Variants in CRYGN observed in about 807,000 individuals in gnomAD.
CRYGN encodes crystallin gamma N.
A neutral mutation model predicts 19.2 loss-of-function variants in CRYGN; 17 were observed. That is an observed-to-expected ratio of 0.89 (90% CI 0.61 to 1.33). The LOEUF is 1.33. CRYGN is among the 40% of genes most tolerant of loss of function. The pLI is 0.00. For synonymous variants in CRYGN, 84 were observed against 85.8 expected (o/e 0.98, Z 0.12); for missense variants, 239 against 239.6 (o/e 1.00, Z 0.02).
Position 151,433,787 on chromosome 7 carries a change from G to A in CRYGN, c.416+2393C>T. Reference sequence around the variant, plus strand: ...GACACCCCCAAAAGGAGGGGGCGGGGAACCACCCATCCTGCTGTCCCCTGT... The same window carrying A: ...GACACCCCCAAAAGGAGGGGGCGGGAAACCACCCATCCTGCTGTCCCCTGT... On this transcript the variant is annotated intron_variant, in intron 3 of 3. Coordinates refer to ENST00000337323, the MANE Select transcript of CRYGN (RefSeq NM_144727.3). The surrounding 1 kb of genome is among the most constrained non-coding windows in gnomAD (Gnocchi z 5.1). The A allele has an allele frequency of 6.5e-6, 1 of 154,560 alleles. No homozygotes were observed. The highest frequency in any genetic ancestry group is 1.5e-5 in the Non-Finnish European group (1 of 68,678). The allele number at this position is 154,560 out of a possible 1,614,324, so 9.6% of individuals were successfully genotyped here.
At chr7:151,437,419 C>G (rs1801642945) in intron 2 of CRYGN, among the ~76,000 whole-genome samples, 1 of 152,232 alleles carries the variant, frequency 6.6e-6, no homozygotes, top group Admixed American at 6.5e-5. Context: ...ACCCTAGGAG[C>G]AGCTGGACCG....
At position 151,440,115 on chromosome 7, in the gene CRYGN, C is replaced by CG; in HGVS notation, c.-199dup. The CG allele has an allele frequency of 7.4e-7, 1 of 1,359,740 alleles. No homozygotes were observed. The highest frequency in any genetic ancestry group is 3.0e-5 in the East Asian group (1 of 33,124). 84.2% of individuals were successfully genotyped at this position (1,359,740 alleles called of 1,614,324 possible). On this transcript the variant is annotated 5_prime_UTR_variant, in exon 1 of 4. Coordinates refer to ENST00000337323, the MANE Select transcript of CRYGN (RefSeq NM_144727.3). ...CACCGCGAGTGCAGCCCGCCCTGCC[C>CG]GGGGTCTCCCTGTGCTCTCCGCGTT...
rs916159572 is a variant in CRYGN at position 151,435,581 on chromosome 7, G to A, written c.416+599C>T. 2.0e-5 allele frequency among the ~76,000 whole-genome samples: 3 copies of A among 152,128 alleles called. No homozygotes were observed. The highest frequency in any genetic ancestry group is 7.2e-5 in the African/African-American group (3 of 41,414). ...GGGGCAGACAAACCCATCTGGGCCT[G>A]GGCAAAATTCCCCCAGCTACTTTCT... On this transcript the variant is annotated intron_variant, in intron 3 of 3. Coordinates refer to ENST00000337323, the MANE Select transcript of CRYGN (RefSeq NM_144727.3). This position sits in a 1 kb window ranked among gnomAD's most constrained non-coding sequence, Gnocchi z 4.2.
intron 2 of CRYGN, 186 bp downstream of exon 2, chr7:151,437,810 C>T: frequency 6.8e-7 from 1 of 1,471,488 alleles, no homozygotes; most frequent in Non-Finnish European, 9.0e-7. Context: ...CCACTCAGTT[C>T]ATAGCAACTT....
chr7:151,430,006 A>C lies in CRYGN; in HGVS notation c.*42T>G, dbSNP rs1178633071. 1.2e-6 allele frequency: 1 copy of C among 815,710 alleles called. No individual in the cohort carries two copies. The allele number at this position is 815,710 out of a possible 1,614,324, so 50.5% of individuals were successfully genotyped here. On this transcript the variant is annotated 3_prime_UTR_variant, in exon 4 of 4. Transcript: ENST00000337323. This position sits in a 1 kb window ranked among gnomAD's most constrained non-coding sequence, Gnocchi z 5.2. ...TTTTAAGTAAACACTCTCCCGGCTC[A>C]GAAACGGTGCAGGTGCATTTACATG...
chr7:151,436,408 G>C lies in CRYGN; in HGVS notation c.271-83C>G. 7.4e-7 allele frequency: 1 copy of C among 1,349,502 alleles called. No individual in the cohort carries two copies. The highest frequency in any genetic ancestry group is 9.9e-7 in the Non-Finnish European group (1 of 1,013,238). 83.6% of individuals were successfully genotyped at this position (1,349,502 alleles called of 1,614,324 possible). A position where few individuals can be genotyped will look rare whatever the true frequency, so the allele number is the denominator to read the frequency against. ...CAGAAACAGAAGCCCCATGCAGGAAGGAATTAGGAGGTACCCAAGGCACTG... is the reference window on the plus strand; with the variant it reads ...CAGAAACAGAAGCCCCATGCAGGAACGAATTAGGAGGTACCCAAGGCACTG... On this transcript the variant is annotated intron_variant, in intron 2 of 3. Coordinates refer to ENST00000337323, the MANE Select transcript of CRYGN (RefSeq NM_144727.3). The surrounding 1 kb of genome is among the most constrained non-coding windows in gnomAD (Gnocchi z 5.1).
intron 1 of CRYGN, among the ~76,000 whole-genome samples, chr7:151,439,613 C>A (rs1368480438): frequency 6.6e-6 from 1 of 152,130 alleles, no homozygotes; most frequent in African/African-American, 2.4e-5. Flanking sequence ...CCAAGCCTCC[C>A]CCACCCCAAG....
At position 151,435,343 on chromosome 7, in the gene CRYGN, C is replaced by A. The variant is rs566509115; in HGVS notation, c.416+837G>T. 4.5e-4 allele frequency among the ~76,000 whole-genome samples: 68 copies of A among 152,322 alleles called. No homozygotes were observed. The highest frequency in any genetic ancestry group is 1.5e-3 in the African/African-American group (64 of 41,574). On this transcript the variant is annotated intron_variant, in intron 3 of 3. Coordinates refer to ENST00000337323, the MANE Select transcript of CRYGN (RefSeq NM_144727.3). The surrounding 1 kb of genome is among the most constrained non-coding windows in gnomAD (Gnocchi z 4.2). ...TGCAGTCTCAGCTGTGCCACTCCCACGGGGCGGCCGGGCAGTCAGCCTTCT... is the reference window on the plus strand; with the variant it reads ...TGCAGTCTCAGCTGTGCCACTCCCAAGGGGCGGCCGGGCAGTCAGCCTTCT...
chr7:151,430,891 T>A lies in CRYGN; in HGVS notation c.417-711A>T, dbSNP rs1206170877. Among the ~76,000 whole-genome samples the A allele has an allele frequency of 6.6e-6, 1 of 152,134 alleles. No individual in the cohort carries two copies. Among genetic ancestry groups the A allele is most frequent in the Non-Finnish European group, 1.5e-5 (1 of 68,018 alleles). Reference sequence around the variant, plus strand: ...ATTAGAGGCTGGACCAGGAGTCAGATCCACAGCCAGAACTCTGTGGGCACA... The same window carrying A: ...ATTAGAGGCTGGACCAGGAGTCAGAACCACAGCCAGAACTCTGTGGGCACA... On this transcript the variant is annotated intron_variant, in intron 3 of 3. Coordinates refer to ENST00000337323, the MANE Select transcript of CRYGN (RefSeq NM_144727.3). The surrounding 1 kb of genome is among the most constrained non-coding windows in gnomAD (Gnocchi z 5.2).
At chr7:151,440,155 C>T (rs1005887604), upstream of CRYGN, 26 of 1,288,838 alleles carry the variant, frequency 2.0e-5, no homozygotes, top group Admixed American at 7.6e-5. Context: ...TCCCGAGCCT[C>T]CTTCCTCCCT....
At position 151,433,473 on chromosome 7, in the gene CRYGN, CA is replaced by C. The variant is rs1401343957; in HGVS notation, c.416+2706del. ...GGCTTGTCATGCCTGGTGCCTGGCACAGTCTGCTGCCTCAAGGGTTGGGGCC... is the reference window on the plus strand; with the variant it reads ...GGCTTGTCATGCCTGGTGCCTGGCACGTCTGCTGCCTCAAGGGTTGGGGCC... On this transcript the variant is annotated intron_variant, in intron 3 of 3. Transcript: ENST00000337323. The surrounding 1 kb of genome is among the most constrained non-coding windows in gnomAD (Gnocchi z 5.1). 6.5e-6 allele frequency: 1 copy of C among 154,984 alleles called. No individual in the cohort carries two copies. Among genetic ancestry groups the C allele is most frequent in the African/African-American group, 2.4e-5 (1 of 41,508 alleles). 9.6% of individuals were successfully genotyped at this position (154,984 alleles called of 1,614,324 possible).
chr7:151,437,908 C>A, intron 2 of CRYGN, 88 bp downstream of exon 2: 2 of 1,595,880 alleles, frequency 1.3e-6, no homozygotes, highest in South Asian at 2.2e-5. Context: ...GAGGACCACG[C>A]TCCCCGATTC....
chr7:151,429,892 G>A lies in CRYGN; in HGVS notation c.*156C>T, dbSNP rs988927166. On this transcript the variant is annotated 3_prime_UTR_variant, in exon 4 of 4. Coordinates refer to ENST00000337323, the MANE Select transcript of CRYGN (RefSeq NM_144727.3). ...AGAAGAGACAGGGCCCTTGCCATGGGTGGGGAGGGCCTCCCGCTGGCAGAT... is the reference window on the plus strand; with the variant it reads ...AGAAGAGACAGGGCCCTTGCCATGGATGGGGAGGGCCTCCCGCTGGCAGAT... The A allele has an allele frequency of 3.0e-6, 2 of 675,436 alleles. No homozygotes were observed. The highest frequency in any genetic ancestry group is 3.5e-5 in the African/African-American group (2 of 56,492). 41.8% of individuals were successfully genotyped at this position (675,436 alleles called of 1,614,324 possible).
chr7:151,432,167 C>T (rs1271943414), intron 3 of CRYGN: 5 of 1,231,012 alleles, frequency 4.1e-6, no homozygotes, highest in Non-Finnish European at 5.1e-6. Context: ...AAGTTGACCA[C>T]CTTGTGGAGC....
At position 151,433,860 on chromosome 7, in the gene CRYGN, C is replaced by T. The variant is rs980973477; in HGVS notation, c.416+2320G>A. On this transcript the variant is annotated intron_variant, in intron 3 of 3. Transcript: ENST00000337323. The surrounding 1 kb of genome is among the most constrained non-coding windows in gnomAD (Gnocchi z 5.1). ...AGGCAGACAGAGGAAAGGGCAGGGG[C>T]CTGTCCTGCCCACATCAGCACCGTG... Among the ~76,000 whole-genome samples the T allele has an allele frequency of 7.9e-5, 12 of 152,198 alleles. No individual in the cohort carries two copies. Among genetic ancestry groups the T allele is most frequent in the Admixed American group, 6.5e-4 (10 of 15,286 alleles).
At position 151,434,306 on chromosome 7, in the gene CRYGN, G is replaced by A. The variant is rs577521255; in HGVS notation, c.416+1874C>T. Among the ~76,000 whole-genome samples, 42 of 152,282 alleles carry A rather than the reference G, an allele frequency of 2.8e-4. No homozygotes were observed. In the East Asian group the frequency reaches 6.0e-3, roughly 22 times the overall value. On this transcript the variant is annotated intron_variant, in intron 3 of 3. Transcript: ENST00000337323. ...CTTCGTTCTCAACAAGCCCCTGAGC[G>A]TTGGGGGTGGGCCGGGGGGATTGTG... is the stretch of plus-strand genomic sequence containing the variant.
rs538273904 is a variant in CRYGN at position 151,430,292 on chromosome 7, C to A, written c.417-112G>T. On this transcript the variant is annotated intron_variant, in intron 3 of 3. Transcript: ENST00000337323. The surrounding 1 kb of genome is among the most constrained non-coding windows in gnomAD (Gnocchi z 5.2). ...AGGGAGCCCCTTCCCCTTTCCTGGGCGGAGTGGACGGTTGCCTAGTGGTTT... is the reference window on the plus strand; with the variant it reads ...AGGGAGCCCCTTCCCCTTTCCTGGGAGGAGTGGACGGTTGCCTAGTGGTTT... 3 of 1,029,014 alleles carry A rather than the reference C, an allele frequency of 2.9e-6. No homozygotes were observed. The highest frequency in any genetic ancestry group is 2.9e-6 in the Non-Finnish European group (2 of 700,462). The allele number at this position is 1,029,014 out of a possible 1,614,324, so 63.7% of individuals were successfully genotyped here. A position where few individuals can be genotyped will look rare whatever the true frequency, so the allele number is the denominator to read the frequency against.
At chr7:151,439,717 T>C (rs1391729755) in intron 1 of CRYGN, among the ~76,000 whole-genome samples, 180 bp downstream of exon 1, 1 of 152,132 alleles carries the variant, frequency 6.6e-6, no homozygotes, top group Non-Finnish European at 1.5e-5. Context: ...GAGACCTTCC[T>C]ATCCATCCAC....
chr7:151,440,165 T>C, upstream of CRYGN: 5 of 1,239,510 alleles, frequency 4.0e-6, no homozygotes, highest in Non-Finnish European at 4.2e-6. Flanking sequence ...CCTTCCTCCC[T>C]GAGCCCTCCC....
Sources: gnomAD v4.1 joint callset for allele counts (sites outside exome capture counted in the v4.1 genomes callset) on GRCh38, gnomAD v4.1.1 for gene constraint, Gnocchi (gnomAD v3.1) non-coding constraint, MANE v1.5 for transcripts, NCBI Gene and HGNC (gene_info 2026-07-23, HGNC 2026-07-21) for gene names.